Variants in TRAK2 observed in about 807,000 individuals in gnomAD.
TRAK2 encodes the protein trafficking kinesin protein 2.
TRAK2 carries 81 observed loss-of-function variants against 104.6 expected under a neutral mutation model. The observed-to-expected ratio is 0.77, with a 90% CI of 0.65 to 0.93. The LOEUF is 0.93. TRAK2 is among the 40% of genes least tolerant of loss of function. The pLI is 0.00. For missense variants in TRAK2, 1,002 were observed against 1,089.0 expected, an observed-to-expected ratio of 0.92 and a Z score of 1.12; for synonymous variants, 406 against 394.4, an observed-to-expected ratio of 1.03 and a Z score of -0.35.
chr2:201,394,752 G>A, intron 9 of TRAK2, 46 bp downstream of exon 9: 1 of 1,426,294 alleles, frequency 7.0e-7, no homozygotes, highest in Non-Finnish European at 9.8e-7. Context: ...AAAGAAACTA[G>A]TCACTCTTTC....
intron 1 of TRAK2, among the ~76,000 whole-genome samples, chr2:201,421,608 A>G (rs1445014042): frequency 6.6e-6 from 1 of 152,140 alleles, no homozygotes; most frequent in African/African-American, 2.4e-5. Flanking sequence ...AACCACTGAT[A>G]AAACAGATGC....
At position 201,399,487 on chromosome 2, in the gene TRAK2, G is replaced by A; in HGVS notation, c.370C>T (p.Arg124Cys). 1 of 1,611,026 alleles carries A rather than the reference G, an allele frequency of 6.2e-7. No individual in the cohort carries two copies. The highest frequency in any genetic ancestry group is 8.5e-7 in the Non-Finnish European group (1 of 1,177,622). The change falls in exon 5 of 16, where the codon CGT becomes TGT. Residue 124 changes from arginine (R) to cysteine (C), a missense_variant. By Grantham distance (180) the Arg-to-Cys change is radical. Transcript: ENST00000332624. ...ATTCGAGCAGCGAGTTCCAGATCAC[G>A]ATCCCTCTGTTAAAATACCAAATAC... ...MVTHLLAERDRDLELAARIGQ... is the reference protein window; with the variant it reads ...MVTHLLAERDCDLELAARIGQ...
intron 14 of TRAK2, 38 bp downstream of exon 14, chr2:201,386,180 T>C (rs1209590567): frequency 6.2e-7 from 1 of 1,609,248 alleles, no homozygotes; most frequent in Non-Finnish European, 8.5e-7. Flanking sequence ...AAAGTACTTC[T>C]GGTTATTATA....
At chr2:201,418,893 C>T (rs1380282956) in intron 2 of TRAK2, among the ~76,000 whole-genome samples, 2 of 152,004 alleles carry the variant, frequency 1.3e-5, no homozygotes, top group African/African-American at 4.8e-5. Flanking sequence ...AATTTAAAAC[C>T]GCTCTTCAAA....
intron 15 of TRAK2, among the ~76,000 whole-genome samples, chr2:201,381,977 A>T (rs1951349231): frequency 6.6e-6 from 1 of 152,188 alleles, no homozygotes; most frequent in African/African-American, 2.4e-5. Context: ...TACTGAATAT[A>T]CAGAAGTGAA....
chr2:201,410,165 G>A (rs570861568), intron 2 of TRAK2, among the ~76,000 whole-genome samples: 6 of 152,274 alleles, frequency 3.9e-5, no homozygotes, highest in South Asian at 2.1e-4. Context: ...AGCTGGGCGT[G>A]GTGGCGGGCG....
chr2:201,448,920 C>T (rs576211864), intron 1 of TRAK2, among the ~76,000 whole-genome samples: 37 of 152,142 alleles, frequency 2.4e-4, no homozygotes, highest in Non-Finnish European at 4.4e-4. Context: ...AGGCTGGTCT[C>T]AAGTCATCCT....
intron 1 of TRAK2, among the ~76,000 whole-genome samples, chr2:201,426,897 T>C (rs1454545388): frequency 1.3e-5 from 2 of 152,216 alleles, no homozygotes; most frequent in Admixed American, 6.5e-5. Context: ...GTACTGAACA[T>C]AGTTCCATGG....
intron 2 of TRAK2, among the ~76,000 whole-genome samples, chr2:201,419,732 A>G (rs1178622413): frequency 6.6e-6 from 1 of 151,570 alleles, no homozygotes; most frequent in Non-Finnish European, 1.5e-5. Flanking sequence ...ATGATAATAA[A>G]TTAAAACAAA....
intron 15 of TRAK2, among the ~76,000 whole-genome samples, chr2:201,383,675 T>C (rs1251026479): frequency 6.6e-6 from 1 of 152,248 alleles, no homozygotes; most frequent in Non-Finnish European, 1.5e-5. Context: ...GCCACAAGTA[T>C]AACAACTTGC....
In TRAK2 at chr2:201,387,873, C is replaced by T. The variant is rs144404050; in HGVS notation, c.1526G>A (p.Arg509Gln). Reference sequence around the variant, plus strand: ...CTGGTCTGCCAGAACCTGGATCTTCCGCTGCCATTCTTCAGCAAAGAACTG... The same window carrying T: ...CTGGTCTGCCAGAACCTGGATCTTCTGCTGCCATTCTTCAGCAAAGAACTG... ...EKQFFAEEWQ[R>Q]KIQVLADQKE... Residue 509 changes from arginine to glutamine, a missense_variant, in exon 13 of 16, where the codon CGG (arginine) becomes CAG (glutamine). Transcript: ENST00000332624. The T allele has an allele frequency of 5.2e-4, 837 of 1,614,046 alleles. No individual in the cohort carries two copies. The highest frequency in any genetic ancestry group is 8.5e-4 in the Admixed American group (51 of 60,006).
intron 1 of TRAK2, among the ~76,000 whole-genome samples, chr2:201,445,025 T>C (rs1448690284): frequency 6.6e-6 from 1 of 152,192 alleles, no homozygotes; most frequent in Non-Finnish European, 1.5e-5. Context: ...ACTCAAAGTT[T>C]GGCAAACACT....
chr2:201,429,092 A>C (rs1951818313), intron 1 of TRAK2, among the ~76,000 whole-genome samples: 1 of 152,226 alleles, frequency 6.6e-6, no homozygotes, highest in Non-Finnish European at 1.5e-5. Flanking sequence ...TCTTCTAAAT[A>C]TATAATCATG....
rs780025229 is a variant in TRAK2 at position 201,392,919 on chromosome 2, G to C, written c.1103C>G (p.Ala368Gly). The change falls in exon 10 of 16, where the codon GCT becomes GGT. Residue 368 changes from alanine (A) to glycine (G), a missense_variant. Physicochemically the swap from Ala to Gly is moderately conservative, Grantham distance 60. Coordinates refer to ENST00000332624, the MANE Select transcript of TRAK2 (RefSeq NM_015049.3). Reference protein sequence around the residue: ...AHLYFSQSYGAFTGESLAAEI... With the variant: ...AHLYFSQSYGGFTGESLAAEI... Reference sequence around the variant, plus strand: ...TTCTTAGTTGCTTACCCCAGTAAAAGCTCCATATGATTGGGAGAAGTAGAG... The same window carrying C: ...TTCTTAGTTGCTTACCCCAGTAAAACCTCCATATGATTGGGAGAAGTAGAG... 1.2e-6 allele frequency: 2 copies of C among 1,610,628 alleles called. No individual in the cohort carries two copies. Among genetic ancestry groups the C allele is most frequent in the Non-Finnish European group, 1.7e-6 (2 of 1,178,874 alleles).
intron 3 of TRAK2, among the ~76,000 whole-genome samples, chr2:201,405,741 C>G (rs1576517726): frequency 6.6e-6 from 1 of 152,242 alleles, no homozygotes; most frequent in East Asian, 1.9e-4. Flanking sequence ...TCCCAGCACT[C>G]TGGGAGGCCG....
intron 1 of TRAK2, chr2:201,423,370 T>C (rs1368995888): frequency 6.6e-6 from 1 of 152,226 alleles, no homozygotes. Context: ...TGATTCCATT[T>C]ATATAAAATA....
Position 201,388,014 on chromosome 2 carries a change from C to A in TRAK2, c.1398-13G>T, listed in dbSNP as rs199775979. ...CTTCTGGGAGCTCCTATAGGAAAATCGCGTTCACTGATTAGATCTTGAGGA... is the reference window on the plus strand; with the variant it reads ...CTTCTGGGAGCTCCTATAGGAAAATAGCGTTCACTGATTAGATCTTGAGGA... On this transcript the variant is annotated splice_polypyrimidine_tract_variant and intron_variant, in intron 12 of 15. Coordinates refer to ENST00000332624, the MANE Select transcript of TRAK2 (RefSeq NM_015049.3). The A allele has an allele frequency of 1.4e-5, 23 of 1,613,838 alleles. No individual in the cohort carries two copies. The highest frequency in any genetic ancestry group is 1.9e-5 in the Non-Finnish European group (23 of 1,179,902).
intron 2 of TRAK2, chr2:201,413,197 T>C (rs1422188281): frequency 2.6e-5 from 39 of 1,512,800 alleles, no homozygotes; most frequent in Non-Finnish European, 3.4e-5. Context: ...CCACTGGCAA[T>C]GTGCTGACCA....
In TRAK2 at chr2:201,422,131, C is replaced by T. The variant is rs150985134; in HGVS notation, c.-199-1425G>A. 1.3e-4 allele frequency among the ~76,000 whole-genome samples: 19 copies of T among 150,616 alleles called. No homozygotes were observed. The East Asian group carries it at 3.7e-3, about 29-fold the overall frequency. ...GCAATGTCTACCAAACTTTTAAATG[C>T]ACACATGCTGTAACTTAACAGTTCT... On this transcript the variant is annotated intron_variant, in intron 1 of 15. Transcript: ENST00000332624.
Sources: allele counts gnomAD v4.1 joint callset (sites outside exome capture counted in the v4.1 genomes callset), GRCh38; gene constraint gnomAD v4.1.1; transcripts MANE v1.5; gene names NCBI Gene and HGNC (gene_info 2026-07-23, HGNC 2026-07-21).